Variants in SLC24A4 observed in about 807,000 individuals in gnomAD.
SLC24A4 encodes sodium/potassium/calcium exchanger 4.
In SLC24A4, 53 loss-of-function variants were observed where a neutral mutation model predicts 79.0. The ratio of observed to expected loss-of-function variants is 0.67; its 90% CI spans 0.54 to 0.84. The LOEUF (loss-of-function observed/expected upper bound fraction) is 0.84, where lower values mean the gene tolerates loss of function less well. Among genes scored for constraint, SLC24A4 ranks in the 40% least tolerant of loss-of-function variants. The probability of loss-of-function intolerance (pLI) is 0.00; values close to 1 mark genes in which losing one functional copy is unlikely to be tolerated. For missense variants in SLC24A4, 731 were observed against 822.0 expected, an observed-to-expected ratio of 0.89 and a Z score of 1.35; for synonymous variants, 323 against 323.8, an observed-to-expected ratio of 1.00 and a Z score of 0.03.
chr14:92,373,527 A>G (rs1461821470), intron 2 of SLC24A4, among the ~76,000 whole-genome samples: 2 of 152,164 alleles, frequency 1.3e-5, no homozygotes, highest in Non-Finnish European at 2.9e-5. Flanking sequence ...GAATTTTATG[A>G]AATGTCCTCT....
At chr14:92,434,260 G>A (rs572762993) in intron 3 of SLC24A4, among the ~76,000 whole-genome samples, 176 of 152,276 alleles carry the variant, frequency 1.2e-3, no homozygotes, top group African/African-American at 4.0e-3. Flanking sequence ...CAGGGATGAT[G>A]GTACCTATTA....
chr14:92,370,539 T>C (rs950342246), intron 2 of SLC24A4, among the ~76,000 whole-genome samples: 1 of 152,174 alleles, frequency 6.6e-6, no homozygotes, highest in African/African-American at 2.4e-5. Flanking sequence ...AGAAACATTA[T>C]TTAAAAATAT....
rs889152856 is a variant in SLC24A4, at chr14:92,433,920, G to A, written c.250G>A (p.Glu84Lys). The A allele has an allele frequency of 3.7e-6, 6 of 1,614,096 alleles. No homozygotes were observed. The highest frequency in any genetic ancestry group is 1.1e-5 in the South Asian group (1 of 91,084). ...CTCTTCCTGTCTTCCAGCGATTCACGAGTTCCCCACAGATCTGTTCTCCAA... is the reference window on the plus strand; with the variant it reads ...CTCTTCCTGTCTTCCAGCGATTCACAAGTTCCCCACAGATCTGTTCTCCAA... Reference protein sequence around the residue: ...AKNCTDPAIHEFPTDLFSNKE... With the variant: ...AKNCTDPAIHKFPTDLFSNKE... The change falls in exon 3 of 17, where the codon GAG (glutamate) becomes AAG (lysine). Residue 84 changes from glutamate (E) to lysine (K), a missense_variant. Glu to Lys is a moderately conservative substitution (Grantham distance 56). Transcript: ENST00000532405.
At chr14:92,333,280 GA>G (rs1489319873) in intron 2 of SLC24A4, among the ~76,000 whole-genome samples, 1 of 150,700 alleles carries the variant, frequency 6.6e-6, no homozygotes, top group Non-Finnish European at 1.5e-5. Context: ...TTTTAGTAGA[GA>G]GGGGGGTTTT....
chr14:92,335,099 G>T (rs2141604128), intron 2 of SLC24A4, among the ~76,000 whole-genome samples: 1 of 152,238 alleles, frequency 6.6e-6, no homozygotes, highest in Non-Finnish European at 1.5e-5. Context: ...AGAGTCAGTG[G>T]TTTATGTGTT....
Position 92,491,741 on chromosome 14 carries a change from G to C in SLC24A4, c.1614G>C (p.Trp538Cys). ...TCCTGGTAGGACTTGGTGTACCGTG[G>C]GGCCTGCAGACCATGGTTGTTAATT... Reference protein sequence around the residue: ...FDILVGLGVPWGLQTMVVNYG... With the variant: ...FDILVGLGVPCGLQTMVVNYG... Residue 538 changes from tryptophan to cysteine, a missense_variant, in exon 15 of 17, where the codon TGG becomes TGC. Coordinates refer to ENST00000532405, the MANE Select transcript of SLC24A4 (RefSeq NM_153646.4). 1.9e-6 allele frequency: 3 copies of C among 1,613,910 alleles called. No homozygotes were observed. The highest frequency in any genetic ancestry group is 2.5e-6 in the Non-Finnish European group (3 of 1,179,816).
intron 13 of SLC24A4, 89 bp downstream of exon 13, chr14:92,482,935 C>G: frequency 7.4e-7 from 1 of 1,360,200 alleles, no homozygotes; most frequent in East Asian, 2.5e-5. Context: ...TACTGCTGTG[C>G]CACCTTTGGG....
intron 12 of SLC24A4, among the ~76,000 whole-genome samples, chr14:92,471,816 C>A (rs926340114): frequency 6.6e-6 from 1 of 152,056 alleles, no homozygotes; most frequent in Admixed American, 6.6e-5. Context: ...CATGCTGTTA[C>A]CATTAAAGGG....
rs1892045448 is a variant in SLC24A4, at chr14:92,434,284, T to C, written c.318+296T>C. 2.0e-5 allele frequency among the ~76,000 whole-genome samples: 3 copies of C among 152,304 alleles called. No homozygotes were observed. The South Asian group carries it at 6.2e-4, about 32-fold the overall frequency. On this transcript the variant is annotated intron_variant, in intron 3 of 16. Transcript: ENST00000532405. ...TGGTACCTATTACAGAGTGTGAATA[T>C]GAGTGAATATGGGTCAAGGGCATCA...
chr14:92,346,078 A>C (rs539829971), intron 2 of SLC24A4, among the ~76,000 whole-genome samples: 2 of 152,170 alleles, frequency 1.3e-5, no homozygotes, highest in East Asian at 3.9e-4. Flanking sequence ...ATTTCCAGCT[A>C]AGGGGGCAGG....
At chr14:92,478,811 T>C (rs1324569773) in intron 12 of SLC24A4, among the ~76,000 whole-genome samples, 1 of 152,210 alleles carries the variant, frequency 6.6e-6, no homozygotes, top group Non-Finnish European at 1.5e-5. Flanking sequence ...GTCTTAACCA[T>C]TTTAAGCCTT....
Position 92,482,831 on chromosome 14 carries a change from C to T in SLC24A4, c.1407C>T (p.Tyr469=). The T allele has an allele frequency of 6.2e-7, 1 of 1,612,272 alleles. No individual in the cohort carries two copies. The highest frequency in any genetic ancestry group is 8.5e-7 in the Non-Finnish European group (1 of 1,178,864). Residue 469 remains tyrosine, a synonymous_variant, in exon 13 of 17, where the codon TAC becomes TAT. Coordinates refer to ENST00000532405, the MANE Select transcript of SLC24A4 (RefSeq NM_153646.4). ...CGCTGTGGATCGCTGTGTTCTCCTA[C>T]ATCATGGTGTGGCTGGTGAGTGGGG... ...TATLWIAVFS[Y]IMVWLVTIIG...
chr14:92,482,774 G>A lies in SLC24A4; in HGVS notation c.1350G>A (p.Glu450=), dbSNP rs563681958. 4.3e-6 allele frequency: 7 copies of A among 1,614,144 alleles called. No individual in the cohort carries two copies. In the South Asian group the frequency reaches 4.4e-5, roughly 10 times the overall value. The change falls in exon 13 of 17, where the codon GAG becomes GAA. Residue 450 remains glutamate, a synonymous_variant. Transcript: ENST00000532405. ...TIPNCSKPRW[E]KFFMVTFITA... is the part of the protein sequence containing the mutation. ...CCAACTGCAGCAAGCCCCGCTGGGA[G>A]AAGTTCTTCATGGTCACCTTCATCA...
intron 14 of SLC24A4, among the ~76,000 whole-genome samples, chr14:92,487,508 C>T (rs1895436544): frequency 6.6e-6 from 1 of 152,114 alleles, no homozygotes; most frequent in South Asian, 2.1e-4. Flanking sequence ...CGTGTTATTC[C>T]TCCAAGATAA....
At chr14:92,421,987 T>C (rs1489923412) in intron 2 of SLC24A4, among the ~76,000 whole-genome samples, 1 of 152,260 alleles carries the variant, frequency 6.6e-6, no homozygotes, top group Non-Finnish European at 1.5e-5. Flanking sequence ...TCTTTTCATT[T>C]GCTGATTTGC....
chr14:92,333,287 G>C (rs944881645), intron 2 of SLC24A4, among the ~76,000 whole-genome samples: 1 of 151,442 alleles, frequency 6.6e-6, no homozygotes, highest in African/African-American at 2.4e-5. Flanking sequence ...AGAGAGGGGG[G>C]TTTTGCCATG....
At chr14:92,397,462 C>G (rs1310962732) in intron 2 of SLC24A4, among the ~76,000 whole-genome samples, 2 of 152,202 alleles carry the variant, frequency 1.3e-5, no homozygotes, top group Non-Finnish European at 2.9e-5. Context: ...ACTCCTAGCC[C>G]AGTGCTCTTT....
chr14:92,389,023 A>T (rs1328356896), intron 2 of SLC24A4, among the ~76,000 whole-genome samples: 2 of 152,210 alleles, frequency 1.3e-5, no homozygotes, highest in African/African-American at 4.8e-5. Flanking sequence ...CAGAACTAAT[A>T]TGACAACTGG....
rs963400519 is a variant in SLC24A4, at chr14:92,483,906, C to A, written c.1422+1060C>A. On this transcript the variant is annotated intron_variant, in intron 13 of 16. Coordinates refer to ENST00000532405, the MANE Select transcript of SLC24A4 (RefSeq NM_153646.4). ...CATGAGAGACAGCAGGGCCAGTAAACGTTCCATGCTGGCCCAGGGGCCACC... is the reference window on the plus strand; with the variant it reads ...CATGAGAGACAGCAGGGCCAGTAAAAGTTCCATGCTGGCCCAGGGGCCACC... The A allele has an allele frequency of 1.1e-5, 14 of 1,281,628 alleles. No individual in the cohort carries two copies. In the Middle Eastern group the frequency reaches 6.4e-4, roughly 59 times the overall value. The allele number at this position is 1,281,628 out of a possible 1,614,324, so 79.4% of individuals were successfully genotyped here.
Sources: gnomAD v4.1 joint callset for allele counts (sites outside exome capture counted in the v4.1 genomes callset) on GRCh38, gnomAD v4.1.1 for gene constraint, MANE v1.5 for transcripts, NCBI Gene and HGNC (gene_info 2026-07-23, HGNC 2026-07-21) for gene names.